The following PRMT7 variants were observed in gnomAD, a reference collection of about 807,000 sequenced individuals.
PRMT7 encodes the protein protein arginine methyltransferase 7, also known as protein arginine N-methyltransferase 7.
PRMT7 carries 75 observed loss-of-function variants against 85.4 expected under a neutral mutation model. That is an observed-to-expected ratio of 0.88 (90% CI 0.73 to 1.06). The LOEUF is 1.06. Ranked by LOEUF, PRMT7 falls within the 50% of genes least tolerant of loss-of-function variation. PRMT7 has a pLI of 0.00. For missense variants in PRMT7, 868 were observed against 915.2 expected (o/e 0.95, Z 0.67); for synonymous variants, 397 against 359.5 (o/e 1.10, Z -1.18).
chr16:68,353,348 G>A, intron 15 of PRMT7, 144 bp from the exon 16 acceptor site: 2 of 1,475,154 alleles, frequency 1.4e-6, no homozygotes, highest in South Asian at 1.3e-5. Context: ...AACCGTTGTG[G>A]ATCTTTGTTC....
At chr16:68,348,463 G>A in intron 14 of PRMT7, 32 bp downstream of exon 14, 2 of 1,550,802 alleles carry the variant, frequency 1.3e-6, no homozygotes, top group Non-Finnish European at 8.9e-7. Context: ...GCCACGCTGG[G>A]CTGTGTTAGG....
At chr16:68,341,836 T>G (rs537231134) in intron 9 of PRMT7, among the ~76,000 whole-genome samples, 16 of 152,314 alleles carry the variant, frequency 1.1e-4, no homozygotes, top group Non-Finnish European at 2.1e-4. Context: ...CAAGGTGGTG[T>G]TATCTGCAGG....
At chr16:68,354,585 CT>C (rs974434997) in intron 16 of PRMT7, 1 of 152,318 alleles carries the variant, frequency 6.6e-6, no homozygotes, top group African/African-American at 2.4e-5. Flanking sequence ...TTATCTGCCC[CT>C]CACAGCAGAC....
intron 18 of PRMT7, 83 bp from the exon 19 acceptor site, chr16:68,356,971 G>C: frequency 1.4e-6 from 2 of 1,474,204 alleles, no homozygotes; most frequent in Admixed American, 2.0e-5. Flanking sequence ...TCTCTGCTGC[G>C]AGCTGCCTGG....
intron 3 of PRMT7, among the ~76,000 whole-genome samples, chr16:68,317,864 A>G (rs1220274384): frequency 1.3e-5 from 2 of 150,612 alleles, no homozygotes; most frequent in African/African-American, 2.4e-5. Context: ...CCACACACAC[A>G]CAGATGGGCT....
chr16:68,331,435 T>G (rs893674846), intron 6 of PRMT7, among the ~76,000 whole-genome samples: 23 of 151,982 alleles, frequency 1.5e-4, no homozygotes, highest in African/African-American at 5.6e-4. Flanking sequence ...TTAAGTATAT[T>G]TAGTAAACTT....
In PRMT7 at chr16:68,330,069, T is replaced by C. The variant is rs566678100; in HGVS notation, c.391+895T>C. ...CCACCACACCTGGCTGCTTTTTGTA[T>C]TTTTAGCAGAGACGGGGTTTCACCA... On this transcript the variant is annotated intron_variant, in intron 6 of 18. Coordinates refer to ENST00000441236, the MANE Select transcript of PRMT7 (RefSeq NM_019023.5). 3.7e-4 allele frequency among the ~76,000 whole-genome samples: 57 copies of C among 152,154 alleles called. 1 individual carries two copies. The South Asian group carries it at 0.011, about 30-fold the overall frequency.
intron 6 of PRMT7, among the ~76,000 whole-genome samples, chr16:68,336,077 CCT>C (rs1317371550): frequency 6.6e-6 from 1 of 152,136 alleles, no homozygotes; most frequent in Non-Finnish European, 1.5e-5. Context: ...GCGCCCGGCC[CCT>C]GTCAGCTGCT....
intron 3 of PRMT7, among the ~76,000 whole-genome samples, chr16:68,319,711 A>AGTGTGTGTGT (rs369478826): frequency 0.063 from 8,885 of 141,410 alleles, 373 homozygotes; most frequent in African/African-American, 0.1. Flanking sequence ...TAAGAGTGAG[A>AGTGTGTGTGT]GTGTGTGTGT....
In PRMT7 at chr16:68,324,899, T is replaced by G. The variant is rs1323377427; in HGVS notation, c.282+67T>G. The G allele has an allele frequency of 3.2e-6, 5 of 1,585,950 alleles. No homozygotes were observed. In the Admixed American group the frequency reaches 8.9e-5, roughly 28 times the overall value. On this transcript the variant is annotated intron_variant, in intron 5 of 18. Coordinates refer to ENST00000441236, the MANE Select transcript of PRMT7 (RefSeq NM_019023.5). ...GGAAATCCCCTATGCTCTTGCACTT[T>G]CCCCGTCTGTTCCTTCACAAACATT... is the stretch of plus-strand genomic sequence containing the variant.
intron 9 of PRMT7, among the ~76,000 whole-genome samples, chr16:68,344,846 G>C (rs1111572): frequency 6.6e-6 from 1 of 151,438 alleles, no homozygotes; most frequent in Non-Finnish European, 1.5e-5. Flanking sequence ...GAACACTGAT[G>C]GTCGCTTTAT....
At chr16:68,322,862 C>G (rs1401698021) in intron 4 of PRMT7, among the ~76,000 whole-genome samples, 1 of 152,068 alleles carries the variant, frequency 6.6e-6, no homozygotes, top group African/African-American at 2.4e-5. Context: ...GAAACCCCGT[C>G]CCTACTAAAA....
At chr16:68,350,030 G>C (rs2087048454) in intron 14 of PRMT7, among the ~76,000 whole-genome samples, 1 of 152,194 alleles carries the variant, frequency 6.6e-6, no homozygotes, top group Non-Finnish European at 1.5e-5. Context: ...TGCCTCTTCT[G>C]GCATATCTCA....
Position 68,339,566 on chromosome 16 carries a change from A to G in PRMT7, c.746+3A>G. 1.9e-6 allele frequency: 3 copies of G among 1,612,890 alleles called. No homozygotes were observed. On this transcript the variant is annotated splice_donor_region_variant and intron_variant, in intron 8 of 18. Transcript: ENST00000441236. ...AGCGATGTGCTGCCCATGTTCAGGT[A>G]CCAAGGAGCCACCATAGGTGATGGC...
At chr16:68,350,774 T>A (rs1365154706) in intron 14 of PRMT7, among the ~76,000 whole-genome samples, 2 of 152,238 alleles carry the variant, frequency 1.3e-5, no homozygotes, top group African/African-American at 4.8e-5. Flanking sequence ...CCTTTCTGTC[T>A]TTAGCTTGCC....
intron 4 of PRMT7, chr16:68,321,669 C>T: frequency 4.1e-6 from 2 of 487,388 alleles, no homozygotes; most frequent in Non-Finnish European, 7.4e-6. Flanking sequence ...ATAGAACTGA[C>T]AAATAAAAAT....
At chr16:68,360,567 C>T (rs2089196968), downstream of PRMT7, 1 of 152,954 alleles carries the variant, frequency 6.5e-6, no homozygotes, top group Non-Finnish European at 1.5e-5. Context: ...TTCTGTTTTT[C>T]TTTTTAAAAT....
chr16:68,317,393 A>C (rs890081507), intron 3 of PRMT7, among the ~76,000 whole-genome samples: 1 of 152,166 alleles, frequency 6.6e-6, no homozygotes, highest in Non-Finnish European at 1.5e-5. Context: ...CAGGGATTAC[A>C]GGTAAGCTTT....
rs767210039 is a variant in PRMT7 at position 68,353,497 on chromosome 16, G to A, written c.1581G>A (p.Leu527=). Residue 527 remains leucine, a synonymous_variant, in exon 16 of 19, where the codon CTG becomes CTA. Transcript: ENST00000441236. Reference sequence around the variant, plus strand: ...GGGCTGCTCCTTCCTCACAGGACCTGTGGCGGATCCGGAGCCCCTGTGGTG... The same window carrying A: ...GGGCTGCTCCTTCCTCACAGGACCTATGGCGGATCCGGAGCCCCTGTGGTG... ...LHAVVVEFRD[L]WRIRSPCGDC... is the part of the protein sequence containing the mutation. 1.2e-6 allele frequency: 2 copies of A among 1,610,200 alleles called. No homozygotes were observed. Among genetic ancestry groups the A allele is most frequent in the East Asian group, 2.2e-5 (1 of 44,488 alleles).
Sources: gnomAD v4.1 joint callset for allele counts (sites outside exome capture counted in the v4.1 genomes callset) on GRCh38, gnomAD v4.1.1 for gene constraint, MANE v1.5 for transcripts, NCBI Gene and HGNC (gene_info 2026-07-23, HGNC 2026-07-21) for gene names.